Variants in B4GALT1 observed in about 807,000 individuals in gnomAD.
B4GALT1 encodes beta-1,4-galactosyltransferase 1.
Under a neutral mutation model 34.9 loss-of-function variants are expected in B4GALT1, and 16 were observed. That is an observed-to-expected ratio of 0.46 (90% CI 0.31 to 0.70). The LOEUF (loss-of-function observed/expected upper bound fraction) is 0.70, where lower values mean the gene tolerates loss of function less well. B4GALT1 is among the 30% of genes least tolerant of loss of function. B4GALT1 has a pLI of 0.05. For missense variants in B4GALT1, 445 were observed against 530.5 expected, an observed-to-expected ratio of 0.84 and a Z score of 1.58; for synonymous variants, 221 against 218.1, an observed-to-expected ratio of 1.01 and a Z score of -0.12.
intron 2 of B4GALT1, among the ~76,000 whole-genome samples, chr9:33,127,203 T>C (rs941071626): frequency 6.6e-6 from 1 of 152,120 alleles, no homozygotes; most frequent in African/African-American, 2.4e-5. Context: ...GACCTAGTGA[T>C]CCGCCCACCT....
At chr9:33,152,053 C>T (rs750022543) in intron 1 of B4GALT1, among the ~76,000 whole-genome samples, 14 of 152,182 alleles carry the variant, frequency 9.2e-5, no homozygotes, top group Non-Finnish European at 1.8e-4. Flanking sequence ...TGCAGTGGCT[C>T]ACGCCTGTAA....
rs140331269 is a variant in B4GALT1 at position 33,131,155 on chromosome 9, C to T, written c.648+4034G>A. ...CCTGGATACCAGACTGTGAGCAACA[C>T]TGGGGGCACCCTGGCCATGAGGAGT... On this transcript the variant is annotated intron_variant, in intron 2 of 5. Transcript: ENST00000379731. Among the ~76,000 whole-genome samples the T allele has an allele frequency of 1.4e-3, 213 of 152,326 alleles. 1 individual carries two copies. The highest frequency in any genetic ancestry group is 4.8e-3 in the African/African-American group (199 of 41,554).
the B4GALT1 span, among the ~76,000 whole-genome samples, chr9:33,178,157 AATTTTTGT>A: frequency 3.3e-5 from 5 of 151,418 alleles, no homozygotes; most frequent in Non-Finnish European, 7.4e-5. Context: ...ATTCCCAGCT[AATTTTTGT>A]ATTTTTAGTA....
intron 4 of B4GALT1, among the ~76,000 whole-genome samples, chr9:33,115,500 C>T (rs1429806440): frequency 6.6e-6 from 1 of 152,192 alleles, no homozygotes; most frequent in Non-Finnish European, 1.5e-5. Context: ...ACAGAACTGA[C>T]CAGGCCATAA....
rs145460431 is a variant in B4GALT1, at chr9:33,121,752, A to G, written c.649-1146T>C. Among the ~76,000 whole-genome samples, 364 of 152,224 alleles carry G rather than the reference A, an allele frequency of 2.4e-3. 1 individual carries two copies. Among genetic ancestry groups the G allele is most frequent in the African/African-American group, 8.3e-3 (345 of 41,524 alleles). ...TTCCTTGAAGACTGCTTCTCACACA[A>G]TAAGAGCTCAACAAATAGTTGCTGG... On this transcript the variant is annotated intron_variant, in intron 2 of 5. Coordinates refer to ENST00000379731, the MANE Select transcript of B4GALT1 (RefSeq NM_001497.4).
Position 33,115,973 on chromosome 9 carries a change from C to T in B4GALT1, c.959+18G>A. ...GAAGGTTGACAGAGGAGAAAGATAT[C>T]TAAGTTATGACCATTACCTGTTAAA... On this transcript the variant is annotated intron_variant, in intron 4 of 5. Transcript: ENST00000379731. 1 of 1,607,162 alleles carries T rather than the reference C, an allele frequency of 6.2e-7. No homozygotes were observed.
At chr9:33,127,558 A>G (rs538690275) in intron 2 of B4GALT1, among the ~76,000 whole-genome samples, 2 of 152,388 alleles carry the variant, frequency 1.3e-5, no homozygotes, top group African/African-American at 4.8e-5. Context: ...TAAATGTGGA[A>G]CAAACCAACA....
chr9:33,127,206 G>A (rs540267811), intron 2 of B4GALT1, among the ~76,000 whole-genome samples: 7 of 152,004 alleles, frequency 4.6e-5, no homozygotes, highest in Non-Finnish European at 7.4e-5. Flanking sequence ...CTAGTGATCC[G>A]CCCACCTCGG....
At chr9:33,173,992 A>C in the B4GALT1 span, among the ~76,000 whole-genome samples, 6 of 152,250 alleles carry the variant, frequency 3.9e-5, no homozygotes, top group Admixed American at 6.5e-5. Context: ...GAATTTGATG[A>C]GTAGCAATAT....
chr9:33,107,227 G>A (rs1839804395), downstream of B4GALT1, among the ~76,000 whole-genome samples: 1 of 152,214 alleles, frequency 6.6e-6, no homozygotes, highest in African/African-American at 2.4e-5. Context: ...AGGCTTGCCT[G>A]CCATGACCGG....
At chr9:33,156,836 A>T (rs1286445781) in intron 1 of B4GALT1, among the ~76,000 whole-genome samples, 2 of 152,182 alleles carry the variant, frequency 1.3e-5, no homozygotes, top group Non-Finnish European at 1.5e-5. Flanking sequence ...CAGGTTTTTA[A>T]AGCCAGAGCC....
the B4GALT1 span, among the ~76,000 whole-genome samples, chr9:33,174,987 AAAAATATATATATATATAT>A: frequency 2.9e-5 from 1 of 35,080 alleles, no homozygotes; most frequent in African/African-American, 9.5e-5. Context: ...AAAAAAAAAA[AAAAATATATATATATATAT>A]ATATATATAT....
chr9:33,156,645 C>T (rs892195878), intron 1 of B4GALT1, among the ~76,000 whole-genome samples: 9 of 152,122 alleles, frequency 5.9e-5, no homozygotes, highest in African/African-American at 1.9e-4. Context: ...AGCCTTTCTT[C>T]ATTAGGGCCC....
intron 1 of B4GALT1, among the ~76,000 whole-genome samples, chr9:33,149,436 G>A (rs1383010971): frequency 2.6e-5 from 4 of 151,778 alleles, no homozygotes; most frequent in South Asian, 2.1e-4. Flanking sequence ...GCGCCACCAC[G>A]CCAGGCTAAT....
chr9:33,105,222 C>T (rs868650676), intron 2 of B4GALT1, among the ~76,000 whole-genome samples: 96 of 151,498 alleles, frequency 6.3e-4, no homozygotes, highest in African/African-American at 2.2e-3. Flanking sequence ...TCACCACAAC[C>T]TCCGCCTTCC....
At chr9:33,129,768 G>A (rs569902451) in intron 2 of B4GALT1, among the ~76,000 whole-genome samples, 2 of 152,304 alleles carry the variant, frequency 1.3e-5, no homozygotes, top group East Asian at 3.9e-4. Context: ...AACTAATGAG[G>A]TTGGGGAGGG....
chr9:33,126,650 G>GTTAACCATAGTTAACCA (rs1840107291), intron 2 of B4GALT1, among the ~76,000 whole-genome samples: 1 of 152,248 alleles, frequency 6.6e-6, no homozygotes, highest in Non-Finnish European at 1.5e-5. Context: ...GTTAACTATT[G>GTTAACCATAGTTAACCA]TTAACCATAG....
At chr9:33,148,198 A>AT (rs1294281552) in intron 1 of B4GALT1, among the ~76,000 whole-genome samples, 8 of 152,234 alleles carry the variant, frequency 5.3e-5, no homozygotes, top group Non-Finnish European at 2.9e-5. Context: ...ATTATAATGA[A>AT]TAAGCAATTT....
At chr9:33,137,680 AAT>A (rs1840290732) in intron 1 of B4GALT1, among the ~76,000 whole-genome samples, 1 of 152,134 alleles carries the variant, frequency 6.6e-6, no homozygotes, top group Non-Finnish European at 1.5e-5. Context: ...GAAGGACCTA[AAT>A]GGCTACCTAA....
Sources: gnomAD v4.1 joint callset for allele counts (sites outside exome capture counted in the v4.1 genomes callset) on GRCh38, gnomAD v4.1.1 for gene constraint, MANE v1.5 for transcripts, NCBI Gene and HGNC (gene_info 2026-07-23, HGNC 2026-07-21) for gene names.